BRWD1: variants seen among roughly 807,000 people sequenced by gnomAD.
The protein encoded by BRWD1 is bromodomain and WD repeat domain containing 1, also known as bromodomain and WD repeat-containing protein 1.
Under a neutral mutation model 251.2 loss-of-function variants are expected in BRWD1, and 82 were observed. That is an observed-to-expected ratio of 0.33 (90% CI 0.27 to 0.39). The LOEUF is 0.39. Ranked by LOEUF, BRWD1 falls within the 10% of genes least tolerant of loss-of-function variation. BRWD1 has a pLI of 1.00. For missense variants in BRWD1, 2,233 were observed against 2,711.6 expected (o/e 0.82, Z 3.92); for synonymous variants, 918 against 902.8 (o/e 1.02, Z -0.30).
chr21:39,243,079 T>C (rs1454532656), intron 21 of BRWD1, among the ~76,000 whole-genome samples: 2 of 152,126 alleles, frequency 1.3e-5, no homozygotes, highest in African/African-American at 2.4e-5. Flanking sequence ...AATTTTACCA[T>C]AGAGAAACCT....
intron 4 of BRWD1, chr21:39,312,569 G>A: frequency 9.1e-6 from 3 of 329,884 alleles, no homozygotes; most frequent in Non-Finnish European, 1.7e-5. Flanking sequence ...AGAGGCGGCC[G>A]CACCTGGAGC....
intron 31 of BRWD1, among the ~76,000 whole-genome samples, chr21:39,216,425 G>A (rs923342732): frequency 1.3e-5 from 2 of 152,150 alleles, no homozygotes; most frequent in Admixed American, 6.5e-5. Flanking sequence ...TAAAGATTGA[G>A]GGTTGAGGCC....
chr21:39,247,791 T>C lies in BRWD1; in HGVS notation c.2391A>G (p.Thr797=), dbSNP rs150325185. The part of the protein sequence containing the change: ...VVLVSQSRQR[T]CRRKYPNYGR... Reference sequence around the variant, plus strand: ...CATAATTTGGATATTTACGCCTACATGTCCTTTGTCTAGACTGTGATACCA... The same window carrying C: ...CATAATTTGGATATTTACGCCTACACGTCCTTTGTCTAGACTGTGATACCA... Residue 797 remains threonine (T), a synonymous_variant, in exon 21 of 41, where the codon ACA becomes ACG. Coordinates refer to ENST00000342449, the MANE Select transcript of BRWD1 (RefSeq NM_033656.4). 12 of 1,613,336 alleles carry C rather than the reference T, an allele frequency of 7.4e-6. No homozygotes were observed. The African/African-American group carries it at 1.5e-4, about 20-fold the overall frequency.
intron 9 of BRWD1, among the ~76,000 whole-genome samples, chr21:39,279,156 A>C (rs548864389): frequency 2.6e-3 from 398 of 152,336 alleles, no homozygotes; most frequent in African/African-American, 9.1e-3. Context: ...CAAAATATCA[A>C]CATGTAATCC....
intron 13 of BRWD1, among the ~76,000 whole-genome samples, chr21:39,271,946 G>A (rs2035121256): frequency 6.8e-6 from 1 of 147,684 alleles, no homozygotes. Flanking sequence ...GGCTGAGGAA[G>A]GAGAATCACT....
Position 39,194,319 on chromosome 21 carries a change from C to A in BRWD1, c.*1940G>T. Reference sequence around the variant, plus strand: ...TAAACATGGAGTTAAAACCTGAGAACAGATTATAAAAGAGAAGGTTAAGAA... The same window carrying A: ...TAAACATGGAGTTAAAACCTGAGAAAAGATTATAAAAGAGAAGGTTAAGAA... On this transcript the variant is annotated 3_prime_UTR_variant, in exon 41 of 41. Coordinates refer to ENST00000342449, the MANE Select transcript of BRWD1 (RefSeq NM_033656.4). 9.9e-7 allele frequency: 1 copy of A among 1,006,370 alleles called. No individual in the cohort carries two copies. The highest frequency in any genetic ancestry group is 4.9e-4 in the Middle Eastern group (1 of 2,032). The allele number at this position is 1,006,370 out of a possible 1,614,324, so 62.3% of individuals were successfully genotyped here. A position where few individuals can be genotyped will look rare whatever the true frequency, so the allele number is the denominator to read the frequency against.
intron 23 of BRWD1, among the ~76,000 whole-genome samples, chr21:39,234,329 T>C (rs1421161372): frequency 6.6e-6 from 1 of 152,120 alleles, no homozygotes; most frequent in Admixed American, 6.5e-5. Flanking sequence ...AACCTCTTAA[T>C]GGAGGGATGG....
rs2031261282 is a variant in BRWD1, at chr21:39,186,817, G to A, written c.*9442C>T. 1.4e-6 allele frequency: 1 copy of A among 727,862 alleles called. No homozygotes were observed. The highest frequency in any genetic ancestry group is 2.0e-6 in the Non-Finnish European group (1 of 506,602). 45.1% of individuals were successfully genotyped at this position (727,862 alleles called of 1,614,324 possible). ...TTTTCTTTCCACCTCTCCACCTACA[G>A]ACTCTGCAATTTATTTCCTCCTCAG... On this transcript the variant is annotated 3_prime_UTR_variant, in exon 41 of 41. Coordinates refer to ENST00000342449, the MANE Select transcript of BRWD1 (RefSeq NM_033656.4).
Position 39,189,088 on chromosome 21 carries a change from A to G in BRWD1, c.*7171T>C, listed in dbSNP as rs2031407957. 1.3e-5 allele frequency: 13 copies of G among 983,760 alleles called. No homozygotes were observed. Among genetic ancestry groups the G allele is most frequent in the African/African-American group, 1.7e-5 (1 of 57,222 alleles). 60.9% of individuals were successfully genotyped at this position (983,760 alleles called of 1,614,324 possible). ...CAAGTCAACCCTATATCCAAAATGA[A>G]TCTTTAACACATTAAATCAATGTTA... On this transcript the variant is annotated 3_prime_UTR_variant, in exon 41 of 41. Transcript: ENST00000342449.
In BRWD1 at chr21:39,187,598, C is replaced by T; in HGVS notation, c.*8661G>A. On this transcript the variant is annotated 3_prime_UTR_variant, in exon 41 of 41. Coordinates refer to ENST00000342449, the MANE Select transcript of BRWD1 (RefSeq NM_033656.4). The stretch of plus-strand genomic sequence containing the variant: ...TCACATTGATATAACCTTACATTTG[C>T]TTATCTACAACTATAAGGATGTCAC... 2 of 985,082 alleles carry T rather than the reference C, an allele frequency of 2.0e-6. No homozygotes were observed. Among genetic ancestry groups the T allele is most frequent in the Non-Finnish European group, 2.4e-6 (2 of 829,648 alleles). 61.0% of individuals were successfully genotyped at this position (985,082 alleles called of 1,614,324 possible).
Position 39,298,471 on chromosome 21 carries a change from G to A in BRWD1, c.310C>T (p.Leu104Phe). The A allele has an allele frequency of 6.2e-7, 1 of 1,608,828 alleles. No homozygotes were observed. The highest frequency in any genetic ancestry group is 8.5e-7 in the Non-Finnish European group (1 of 1,178,332). The change falls in exon 5 of 41, where the codon CTT becomes TTT. Residue 104 changes from leucine to phenylalanine, a missense_variant. By Grantham distance (22) the Leu-to-Phe change is conservative (BLOSUM62 0). Transcript: ENST00000342449. ...PPSISRVTSL[L>F]GAGRQSLLRT... is the part of the protein sequence containing the mutation. ...AGCAAAGACTGCCTTCCTGCACCAAGTAAAGAAGTGACTCTTGAAATACTG... is the reference window on the plus strand; with the variant it reads ...AGCAAAGACTGCCTTCCTGCACCAAATAAAGAAGTGACTCTTGAAATACTG...
At chr21:39,227,642 C>T (rs1336019366) in intron 27 of BRWD1, among the ~76,000 whole-genome samples, 1 of 152,110 alleles carries the variant, frequency 6.6e-6, no homozygotes, top group Non-Finnish European at 1.5e-5. Flanking sequence ...CCCACCTATA[C>T]ATTACATGGT....
intron 22 of BRWD1, 77 bp from the exon 23 acceptor site, chr21:39,236,861 G>T: frequency 7.5e-7 from 1 of 1,324,510 alleles, no homozygotes; most frequent in Non-Finnish European, 1.0e-6. Context: ...ATAAAATTGA[G>T]GGAACAGAGA....
intron 4 of BRWD1, among the ~76,000 whole-genome samples, chr21:39,299,135 A>G (rs888262987): frequency 1.3e-5 from 2 of 152,186 alleles, no homozygotes; most frequent in African/African-American, 4.8e-5. Flanking sequence ...AGGCAGGAGA[A>G]TCACTTGAAC....
intron 29 of BRWD1, among the ~76,000 whole-genome samples, chr21:39,222,499 A>G (rs1212783008): frequency 6.6e-6 from 1 of 152,222 alleles, no homozygotes; most frequent in Non-Finnish European, 1.5e-5. Flanking sequence ...CTCAAAGGCG[A>G]TTCAAAAGAA....
At chr21:39,306,854 ATTTG>A (rs776744178) in intron 4 of BRWD1, among the ~76,000 whole-genome samples, 3 of 152,084 alleles carry the variant, frequency 2.0e-5, no homozygotes, top group African/African-American at 4.8e-5. Context: ...ATAATTGAAA[ATTTG>A]TTTATTTATT....
intron 17 of BRWD1, among the ~76,000 whole-genome samples, chr21:39,259,108 G>A (rs1485926988): frequency 6.6e-6 from 1 of 152,070 alleles, no homozygotes; most frequent in Non-Finnish European, 1.5e-5. Flanking sequence ...TCTTAAGAAA[G>A]GGGAAAAAAG....
intron 7 of BRWD1, among the ~76,000 whole-genome samples, chr21:39,295,352 A>G (rs959333250): frequency 1.3e-5 from 2 of 151,600 alleles, no homozygotes; most frequent in Non-Finnish European, 2.9e-5. Context: ...ACACCCGGCT[A>G]ATTTTTCTGT....
intron 8 of BRWD1, among the ~76,000 whole-genome samples, chr21:39,291,956 T>G (rs1435629404): frequency 6.6e-6 from 1 of 152,056 alleles, no homozygotes; most frequent in Non-Finnish European, 1.5e-5. Flanking sequence ...CTTTTTTTAT[T>G]TTTATTTTTT....
Sources: allele counts gnomAD v4.1 joint callset (sites outside exome capture counted in the v4.1 genomes callset), GRCh38; gene constraint gnomAD v4.1.1; transcripts MANE v1.5; gene names NCBI Gene and HGNC (gene_info 2026-07-23, HGNC 2026-07-21).